Variants in NF1 observed in about 807,000 individuals in gnomAD.
The protein encoded by NF1 is neurofibromin.
A neutral mutation model predicts 325.7 loss-of-function variants in NF1; 122 were observed. That is an observed-to-expected ratio of 0.37 (90% confidence interval 0.32 to 0.44). NF1 has a LOEUF of 0.44. Ranked by LOEUF, NF1 falls within the 20% of genes least tolerant of loss-of-function variation. The pLI is 1.00. For synonymous variants in NF1, 1,091 were observed against 1,186.0 expected (o/e 0.92, Z 1.65); for missense variants, 2,140 against 3,415.4 (o/e 0.63, Z 9.31).
intron 3 of NF1, among the ~76,000 whole-genome samples, chr17:31,161,407 G>A (rs1279850012): frequency 6.6e-5 from 10 of 152,162 alleles, no homozygotes; most frequent in Admixed American, 5.9e-4. Flanking sequence ...AGAATTGAGC[G>A]TAGCATACAA....
chr17:31,157,055 C>T (rs918999381), intron 2 of NF1, among the ~76,000 whole-genome samples: 5 of 152,088 alleles, frequency 3.3e-5, no homozygotes, highest in African/African-American at 7.2e-5. Flanking sequence ...GGCGCAATCT[C>T]GGCTTACTGT....
At chr17:31,338,621 C>A in intron 45 of NF1, 83 bp from the exon 46 acceptor site, 1 of 874,228 alleles carries the variant, frequency 1.1e-6, no homozygotes, top group Non-Finnish European at 1.9e-6. Context: ...AGTAAATGTT[C>A]CTGAATTCAT....
chr17:31,117,494 A>G (rs908242116), intron 1 of NF1, among the ~76,000 whole-genome samples: 2 of 149,148 alleles, frequency 1.3e-5, no homozygotes, highest in Admixed American at 6.7e-5. Flanking sequence ...AACAGGTGAA[A>G]CCCTGTCTCT....
chr17:31,162,217 C>T (rs571446605), intron 3 of NF1, among the ~76,000 whole-genome samples: 3 of 152,020 alleles, frequency 2.0e-5, no homozygotes, highest in Non-Finnish European at 4.4e-5. Context: ...TGGCTCACGC[C>T]TGTAATCCCA....
chr17:31,158,739 C>T (rs1201704884), intron 2 of NF1, among the ~76,000 whole-genome samples: 1 of 152,032 alleles, frequency 6.6e-6, no homozygotes, highest in Non-Finnish European at 1.5e-5. Context: ...TGTCTAAATC[C>T]TACATATTTT....
intron 1 of NF1, among the ~76,000 whole-genome samples, chr17:31,139,375 GACACACACACACACACACACACAC>G: frequency 6.9e-6 from 1 of 144,082 alleles, no homozygotes; most frequent in East Asian, 2.0e-4. Context: ...GTTTTACACA[GACACACACACACACACACACACAC>G]ACACACACAC....
intron 36 of NF1, among the ~76,000 whole-genome samples, chr17:31,306,784 A>G (rs2068733013): frequency 6.6e-6 from 1 of 150,544 alleles, no homozygotes; most frequent in African/African-American, 2.4e-5. Flanking sequence ...GCTCTGTTCT[A>G]GGTTTAGGAG....
chr17:31,374,267 T>A lies in NF1; in HGVS notation c.*112T>A, dbSNP rs1218044658. Reference sequence around the variant, plus strand: ...TTGTAATGCTGCACTTCCTGTTTTATAATGAACCCATCCGGTTTGCCATGT... The same window carrying A: ...TTGTAATGCTGCACTTCCTGTTTTAAAATGAACCCATCCGGTTTGCCATGT... On this transcript the variant is annotated 3_prime_UTR_variant, in exon 58 of 58. Coordinates refer to ENST00000358273, the MANE Select transcript of NF1 (RefSeq NM_001042492.3). 5.7e-6 allele frequency: 8 copies of A among 1,408,442 alleles called. No homozygotes were observed. The highest frequency in any genetic ancestry group is 8.0e-6 in the Non-Finnish European group (8 of 1,001,332). The allele number at this position is 1,408,442 out of a possible 1,614,324, so 87.2% of individuals were successfully genotyped here.
rs1060503890 is a variant in NF1, at chr17:31,374,017, C to T, written c.8382C>T (p.Ile2794=). The T allele has an allele frequency of 1.2e-6, 2 of 1,613,964 alleles. No individual in the cohort carries two copies. The highest frequency in any genetic ancestry group is 1.7e-6 in the Non-Finnish European group (2 of 1,179,912). The change falls in exon 58 of 58, where the codon ATC becomes ATT. Residue 2794 remains isoleucine (I), a synonymous_variant. Transcript: ENST00000358273. ...SLATSQHSPG[I]DKENVELSPT... Reference sequence around the variant, plus strand: ...GGCTGTTCTCTTTTTCTCCAGGAATCGACAAGGAGAACGTTGAACTCTCCC... The same window carrying T: ...GGCTGTTCTCTTTTTCTCCAGGAATTGACAAGGAGAACGTTGAACTCTCCC...
intron 30 of NF1, chr17:31,252,314 T>TA (rs1174422601): frequency 4.9e-6 from 1 of 205,962 alleles, no homozygotes; most frequent in Non-Finnish European, 9.9e-6. Flanking sequence ...CTCCTCTGAT[T>TA]AGAACCATTT....
intron 4 of NF1, among the ~76,000 whole-genome samples, chr17:31,166,612 T>G (rs1244623286): frequency 6.6e-6 from 1 of 152,146 alleles, no homozygotes; most frequent in African/African-American, 2.4e-5. Context: ...CAGCTCTAGG[T>G]GACTTTTTTC....
chr17:31,321,812 G>A lies in NF1; in HGVS notation c.4836-4008G>A, dbSNP rs531381538. 12 of 152,104 alleles carry A rather than the reference G, an allele frequency of 7.9e-5. No homozygotes were observed. In the South Asian group the frequency reaches 2.3e-3, roughly 29 times the overall value. 9.4% of individuals were successfully genotyped at this position (152,104 alleles called of 1,614,324 possible). On this transcript the variant is annotated intron_variant, in intron 36 of 57. Coordinates refer to ENST00000358273, the MANE Select transcript of NF1 (RefSeq NM_001042492.3). ...AATCCCCGCCTCCAGAGCAGGGAGG[G>A]TTTTCCACTTAATGCCTTTTGACAG... is the stretch of plus-strand genomic sequence containing the variant.
chr17:31,308,268 G>A (rs2068779484), intron 36 of NF1, among the ~76,000 whole-genome samples: 1 of 151,818 alleles, frequency 6.6e-6, no homozygotes, highest in African/African-American at 2.4e-5. Flanking sequence ...CTCCCGAGTA[G>A]CTGGGACTAC....
intron 38 of NF1, among the ~76,000 whole-genome samples, chr17:31,328,917 C>T (rs1405288114): frequency 1.3e-5 from 2 of 152,030 alleles, no homozygotes; most frequent in East Asian, 1.9e-4. Flanking sequence ...GACACCTGTC[C>T]TGGGTTGAGG....
intron 54 of NF1, chr17:31,358,112 C>T: frequency 3.9e-6 from 1 of 255,132 alleles, no homozygotes; most frequent in Non-Finnish European, 7.6e-6. Flanking sequence ...TTTTAACTTC[C>T]TAAGCGCATG....
rs1060500360 is a variant in NF1 at position 31,159,053 on chromosome 17, A to G, written c.248A>G (p.Gln83Arg). The G allele has an allele frequency of 6.2e-7, 1 of 1,608,874 alleles. No homozygotes were observed. The highest frequency in any genetic ancestry group is 1.1e-5 in the South Asian group (1 of 90,982). Residue 83 changes from glutamine to arginine, a missense_variant, in exon 3 of 58, where the codon CAG becomes CGG. Gln to Arg is a conservative substitution (Grantham distance 43, BLOSUM62 1). Transcript: ENST00000358273. ...EAAEKNLYLS[Q>R]LIILDTLEKC... ...GCTGAAAAAAATTTATATCTCTCTC[A>G]GTTGATTATATTGGATACACTGGAA...
chr17:31,114,443 C>T (rs529496298), intron 1 of NF1, among the ~76,000 whole-genome samples: 37 of 151,586 alleles, frequency 2.4e-4, no homozygotes, highest in Non-Finnish European at 2.8e-4. Context: ...GAGGCTGAGG[C>T]AGGAGAATCG....
intron 54 of NF1, chr17:31,358,102 T>C (rs1410915619): frequency 1.2e-5 from 3 of 244,936 alleles, no homozygotes; most frequent in African/African-American, 6.9e-5. Context: ...CTAAATTTAG[T>C]TTTAACTTCC....
At chr17:31,297,328 C>A (rs2068487805) in intron 36 of NF1, 1 of 152,260 alleles carries the variant, frequency 6.6e-6, no homozygotes, top group Admixed American at 6.5e-5. Context: ...CATAGGAGGA[C>A]TGCAGAGCTG....
Sources: gnomAD v4.1 joint callset for allele counts (sites outside exome capture counted in the v4.1 genomes callset) on GRCh38, gnomAD v4.1.1 for gene constraint, MANE v1.5 for transcripts, NCBI Gene and HGNC (gene_info 2026-07-23, HGNC 2026-07-21) for gene names.